Variants in AHDC1 observed in about 807,000 individuals in gnomAD.
AHDC1 encodes the protein transcription factor Gibbin.
In AHDC1, 7 loss-of-function variants were observed where a neutral mutation model predicts 87.9. The ratio of observed to expected loss-of-function variants is 0.08; its 90% CI spans 0.05 to 0.15. The LOEUF is 0.15. Ranked by LOEUF, AHDC1 falls within the 10% of genes least tolerant of loss-of-function variation. AHDC1 has a pLI of 1.00. For missense variants in AHDC1, 1,841 were observed against 2,253.2 expected (o/e 0.82, Z 3.70); for synonymous variants, 1,051 against 1,006.8 (o/e 1.04, Z -0.83).
chr1:27,579,892 A>C (rs1242903647), intron 3 of AHDC1, among the ~76,000 whole-genome samples: 1 of 152,244 alleles, frequency 6.6e-6, no homozygotes, highest in African/African-American at 2.4e-5. Context: ...ATTCCAGCCC[A>C]AGACCATGGC....
intron 3 of AHDC1, among the ~76,000 whole-genome samples, chr1:27,576,320 C>T (rs973972570): frequency 1.3e-5 from 2 of 152,152 alleles, no homozygotes; most frequent in South Asian, 4.1e-4. Flanking sequence ...CTCCGTTTTC[C>T]TTATTAAAAC....
intron 8 of AHDC1, among the ~76,000 whole-genome samples, chr1:27,541,021 A>AC (rs1330240872): frequency 4.7e-5 from 7 of 150,446 alleles, no homozygotes; most frequent in Non-Finnish European, 7.4e-5. Context: ...AAAAAAAAAA[A>AC]AAAAACAACA....
intron 3 of AHDC1, among the ~76,000 whole-genome samples, chr1:27,571,500 G>C (rs2088509401): frequency 6.6e-6 from 1 of 151,954 alleles, no homozygotes; most frequent in Non-Finnish European, 1.5e-5. Context: ...CTTCCTGGAG[G>C]CCCCCTCGGC....
At chr1:27,597,330 C>T (rs1044779170) in intron 3 of AHDC1, among the ~76,000 whole-genome samples, 10 of 148,414 alleles carry the variant, frequency 6.7e-5, no homozygotes, top group African/African-American at 1.1e-4. Flanking sequence ...TTACATGTCA[C>T]AAATTTGTGT....
intron 3 of AHDC1, among the ~76,000 whole-genome samples, chr1:27,566,277 G>A (rs2020309591): frequency 6.6e-6 from 1 of 152,092 alleles, no homozygotes. Flanking sequence ...AGAGGCAGAA[G>A]GAGAAAAAGA....
chr1:27,562,369 G>C lies in AHDC1; in HGVS notation c.-628-3486C>G, dbSNP rs572400943. 1.3e-5 allele frequency among the ~76,000 whole-genome samples: 2 copies of C among 152,278 alleles called. No individual in the cohort carries two copies. The highest frequency in any genetic ancestry group is 1.3e-4 in the Admixed American group (2 of 15,308). ...TACCTGAGCTCCCGGCCCGCGCAGA[G>C]CTGCCCCGATTAATCCTGTGGCTCC... On this transcript the variant is annotated intron_variant, in intron 3 of 8. Transcript: ENST00000673934. This position sits in a 1 kb window ranked among gnomAD's most constrained non-coding sequence, Gnocchi z 4.4.
chr1:27,547,740 G>C lies in AHDC1; in HGVS notation c.4376C>G (p.Pro1459Arg), dbSNP rs2019251885. The change falls in exon 8 of 9, where the codon CCC becomes CGC. Residue 1459 changes from proline (P) to arginine (R), a missense_variant. Physicochemically the swap from Pro to Arg is moderately radical, Grantham distance 103. Transcript: ENST00000673934. The surrounding 1 kb of genome is among the most constrained non-coding windows in gnomAD (Gnocchi z 4.9). Reference sequence around the variant, plus strand: ...CCAATAGGCTGTGCCCTTGCAGCTGGGGGAATCGTAGTGGGGCTGGCCCAG... The same window carrying C: ...CCAATAGGCTGTGCCCTTGCAGCTGCGGGAATCGTAGTGGGGCTGGCCCAG... ...LPLGQPHYDS[P>R]SCKGTAYWYP... The C allele has an allele frequency of 6.3e-7, 1 of 1,592,990 alleles. No individual in the cohort carries two copies. Among genetic ancestry groups the C allele is most frequent in the East Asian group, 2.3e-5 (1 of 44,380 alleles).
At chr1:27,585,307 A>ATC (rs1012195291) in intron 3 of AHDC1, among the ~76,000 whole-genome samples, 13 of 151,394 alleles carry the variant, frequency 8.6e-5, no homozygotes, top group Non-Finnish European at 1.3e-4. Flanking sequence ...AGGACTCTGG[A>ATC]TCCTAGCCTT....
At chr1:27,579,143 C>T (rs2088839208) in intron 3 of AHDC1, among the ~76,000 whole-genome samples, 1 of 151,400 alleles carries the variant, frequency 6.6e-6, no homozygotes, top group African/African-American at 2.4e-5. Flanking sequence ...CTTCTGGGCT[C>T]AATCTTCCCA....
At chr1:27,544,048 C>T (rs1390827310) in intron 8 of AHDC1, among the ~76,000 whole-genome samples, 1 of 152,104 alleles carries the variant, frequency 6.6e-6, no homozygotes, top group Non-Finnish European at 1.5e-5. Flanking sequence ...TGGCAGAGCA[C>T]CCAGGCTCAG....
At chr1:27,544,084 T>C (rs1187037829) in intron 8 of AHDC1, among the ~76,000 whole-genome samples, 1 of 152,134 alleles carries the variant, frequency 6.6e-6, no homozygotes, top group Non-Finnish European at 1.5e-5. Flanking sequence ...GTTCTAATCC[T>C]GGCTCCACTA....
rs531536211 is a variant in AHDC1, at chr1:27,561,863, T to C, written c.-628-2980A>G. Among the ~76,000 whole-genome samples, 3 of 151,034 alleles carry C rather than the reference T, an allele frequency of 2.0e-5. No homozygotes were observed. The highest frequency in any genetic ancestry group is 3.0e-5 in the Non-Finnish European group (2 of 67,766). ...AAACACAAAAGCAGAGACGGACTGG[T>C]GATGAGGGGCTCATGGAAGAAGGGA... On this transcript the variant is annotated intron_variant, in intron 3 of 8. Coordinates refer to ENST00000673934, the MANE Select transcript of AHDC1 (RefSeq NM_001371928.1). The surrounding 1 kb of genome is among the most constrained non-coding windows in gnomAD (Gnocchi z 4.2).
chr1:27,537,391 AGGTCCT>A (rs1218000443), intron 8 of AHDC1, among the ~76,000 whole-genome samples: 4 of 152,208 alleles, frequency 2.6e-5, no homozygotes, highest in African/African-American at 9.7e-5. Flanking sequence ...GTGCCACGGA[AGGTCCT>A]GGGGAGGCAG....
chr1:27,564,478 T>G (rs561609931), intron 3 of AHDC1, among the ~76,000 whole-genome samples: 1 of 152,138 alleles, frequency 6.6e-6, no homozygotes, highest in African/African-American at 2.4e-5. Flanking sequence ...TGAGACAAGG[T>G]AGCATAAAGT....
chr1:27,537,917 G>T (rs2018718150), intron 8 of AHDC1, among the ~76,000 whole-genome samples: 1 of 152,188 alleles, frequency 6.6e-6, no homozygotes, highest in African/African-American at 2.4e-5. Context: ...AAATCAGGTT[G>T]TCCAGAGGGG....
Position 27,550,301 on chromosome 1 carries a change from G to T in AHDC1, c.1815C>A (p.Ala605=). The change falls in exon 8 of 9, where the codon GCC becomes GCA. Residue 605 remains alanine (A), a synonymous_variant. Transcript: ENST00000673934. ...ASPQPSYAAD[A]NDSKAEYSDV... Reference sequence around the variant, plus strand: ...CTGAGTACTCGGCCTTGCTGTCGTTGGCGTCTGCTGCATAGGATGGCTGGG... The same window carrying T: ...CTGAGTACTCGGCCTTGCTGTCGTTTGCGTCTGCTGCATAGGATGGCTGGG... The T allele has an allele frequency of 6.2e-7, 1 of 1,614,084 alleles. No homozygotes were observed. Among genetic ancestry groups the T allele is most frequent in the Non-Finnish European group, 8.5e-7 (1 of 1,179,982 alleles).
rs2019904649 is a variant in AHDC1, at chr1:27,558,025, C to A, written c.-225+280G>T. Among the ~76,000 whole-genome samples, 1 of 152,252 alleles carries A rather than the reference C, an allele frequency of 6.6e-6. No homozygotes were observed. The highest frequency in any genetic ancestry group is 2.4e-5 in the African/African-American group (1 of 41,470). ...TTACAATCCCAGGAGACTCCACCCC[C>A]AGACCTCAGGCCCCAGGAATGCTCC... On this transcript the variant is annotated intron_variant, in intron 5 of 8. Transcript: ENST00000673934. The surrounding 1 kb of genome is among the most constrained non-coding windows in gnomAD (Gnocchi z 5.6).
In AHDC1 at chr1:27,603,807, T is replaced by G. The variant is rs79415869; in HGVS notation, c.-806A>C. 2 of 151,378 alleles carry G rather than the reference T, an allele frequency of 1.3e-5. No homozygotes were observed. The highest frequency in any genetic ancestry group is 1.5e-5 in the Non-Finnish European group (1 of 67,968). The allele number at this position is 151,378 out of a possible 1,614,324, so 9.4% of individuals were successfully genotyped here. ...CCCTCCCGCTCTCTCTGGCTGTCTGTCTGTCTCTCAGACTGTCTCTATTTC... is the reference window on the plus strand; with the variant it reads ...CCCTCCCGCTCTCTCTGGCTGTCTGGCTGTCTCTCAGACTGTCTCTATTTC... On this transcript the variant is annotated 5_prime_UTR_variant, in exon 2 of 9. Transcript: ENST00000673934.
At chr1:27,535,981 C>G (rs896964778) in intron 8 of AHDC1, among the ~76,000 whole-genome samples, 2 of 152,110 alleles carry the variant, frequency 1.3e-5, no homozygotes, top group African/African-American at 4.8e-5. Context: ...TTCTGTCCTC[C>G]TCTCAGAGCC....
Sources: allele counts gnomAD v4.1 joint callset (sites outside exome capture counted in the v4.1 genomes callset), GRCh38; gene constraint gnomAD v4.1.1; non-coding constraint Gnocchi (gnomAD v3.1); transcripts MANE v1.5; gene names NCBI Gene and HGNC (gene_info 2026-07-23, HGNC 2026-07-21).